Variants in SORCS1 observed in about 807,000 individuals in gnomAD.
SORCS1 encodes VPS10 domain-containing receptor SorCS1.
A neutral mutation model predicts 146.1 loss-of-function variants in SORCS1; 60 were observed. The observed-to-expected ratio is 0.41, with a 90% confidence interval of 0.33 to 0.51. The LOEUF is 0.51. Among genes scored for constraint, SORCS1 ranks in the 20% least tolerant of loss-of-function variants. The probability of loss-of-function intolerance (pLI) is 0.21; values close to 1 mark genes in which losing one functional copy is unlikely to be tolerated. For missense variants in SORCS1, 1,352 were observed against 1,487.6 expected, an observed-to-expected ratio of 0.91 and a Z score of 1.50; for synonymous variants, 637 against 584.0, an observed-to-expected ratio of 1.09 and a Z score of -1.31.
intron 5 of SORCS1, among the ~76,000 whole-genome samples, chr10:106,760,619 T>G (rs151069276): frequency 6.6e-6 from 1 of 151,820 alleles, no homozygotes; most frequent in Non-Finnish European, 1.5e-5. Flanking sequence ...GAAGAATAAA[T>G]ATCCGTTGTT....
chr10:106,774,016 CAT>C (rs1296855600), intron 4 of SORCS1, among the ~76,000 whole-genome samples: 1 of 152,076 alleles, frequency 6.6e-6, no homozygotes, highest in African/African-American at 2.4e-5. Context: ...AGAATATCCA[CAT>C]GTGATACCAA....
At chr10:106,664,603 C>A (rs1353637583) in intron 17 of SORCS1, among the ~76,000 whole-genome samples, 2 of 152,084 alleles carry the variant, frequency 1.3e-5, no homozygotes, top group Admixed American at 6.5e-5. Flanking sequence ...GATCGTGCCA[C>A]TGCACTCCAG....
chr10:107,144,421 T>C (rs66584613), intron 1 of SORCS1, among the ~76,000 whole-genome samples: 6,152 of 152,346 alleles, frequency 0.04, 311 homozygotes, highest in African/African-American at 0.12. Context: ...CATGCATCCA[T>C]ATTTTTAACT....
intron 3 of SORCS1, among the ~76,000 whole-genome samples, chr10:106,800,295 T>C (rs1342672677): frequency 1.3e-5 from 2 of 152,106 alleles, no homozygotes; most frequent in Non-Finnish European, 2.9e-5. Flanking sequence ...ATGAATCATT[T>C]TGAAAAATAA....
At chr10:107,141,487 G>A (rs1036118285) in intron 1 of SORCS1, among the ~76,000 whole-genome samples, 2 of 152,128 alleles carry the variant, frequency 1.3e-5, no homozygotes, top group Non-Finnish European at 2.9e-5. Context: ...TAGTAGTTAT[G>A]TAACACAGAC....
At chr10:107,062,957 C>T (rs1961372437) in intron 1 of SORCS1, among the ~76,000 whole-genome samples, 1 of 152,206 alleles carries the variant, frequency 6.6e-6, no homozygotes, top group Admixed American at 6.5e-5. Flanking sequence ...AATAAATATG[C>T]TTCTATAAAG....
At chr10:106,819,445 T>A (rs942855566) in intron 3 of SORCS1, among the ~76,000 whole-genome samples, 9 of 152,270 alleles carry the variant, frequency 5.9e-5, no homozygotes, top group African/African-American at 2.2e-4. Flanking sequence ...CACCTTCAAA[T>A]AACAAAGTGT....
intron 5 of SORCS1, among the ~76,000 whole-genome samples, chr10:106,736,602 T>TCAAAAAAAAAAAAAAAAAA (rs1433395056): frequency 2.6e-5 from 1 of 38,758 alleles, no homozygotes; most frequent in Admixed American, 3.3e-4. Context: ...TAACCCTGGT[T>TCAAAAAAAAAAAAAAAAAA]AAAAAAAAAA....
At chr10:106,735,919 A>C (rs1230763154) in intron 5 of SORCS1, among the ~76,000 whole-genome samples, 1 of 152,160 alleles carries the variant, frequency 6.6e-6, no homozygotes, top group Non-Finnish European at 1.5e-5. Flanking sequence ...AGCTTTGTTG[A>C]TGAAAACAAG....
chr10:106,673,698 CA>C, intron 14 of SORCS1, among the ~76,000 whole-genome samples: 1 of 152,088 alleles, frequency 6.6e-6, no homozygotes, highest in Non-Finnish European at 1.5e-5. Context: ...CCATGGTTTC[CA>C]TGCTATTTTA....
Position 106,679,340 on chromosome 10 carries a change from G to A in SORCS1, c.1664-8C>T. 1 of 1,607,144 alleles carries A rather than the reference G, an allele frequency of 6.2e-7. No individual in the cohort carries two copies. ...ATTCAGAACCTATATTACCTAGAAA[G>A]AGAAAGGTGCCATTAGTGAAAAGAA... On this transcript the variant is annotated splice_polypyrimidine_tract_variant and splice_region_variant and intron_variant, in intron 11 of 25. Transcript: ENST00000263054.
At chr10:106,788,634 T>C (rs112205201) in intron 3 of SORCS1, among the ~76,000 whole-genome samples, 1,659 of 152,302 alleles carry the variant, frequency 0.011, 27 homozygotes, top group African/African-American at 0.037. Context: ...TGTCTCACAT[T>C]GAGGTCATGC....
chr10:106,682,749 A>G (rs1852535650), intron 10 of SORCS1, among the ~76,000 whole-genome samples: 4 of 152,160 alleles, frequency 2.6e-5, no homozygotes, highest in Non-Finnish European at 5.9e-5. Flanking sequence ...GAGTACCTAC[A>G]TATGCTAATA....
chr10:106,617,125 T>A (rs1351715360), intron 21 of SORCS1, among the ~76,000 whole-genome samples: 1 of 151,984 alleles, frequency 6.6e-6, no homozygotes, highest in African/African-American at 2.4e-5. Context: ...TGGCTAAATT[T>A]TATATTTTTA....
intron 23 of SORCS1, among the ~76,000 whole-genome samples, chr10:106,602,932 C>T (rs1000422017): frequency 3.3e-5 from 5 of 152,120 alleles, no homozygotes; most frequent in Admixed American, 6.5e-5. Context: ...TCTGCCTTTC[C>T]TTTCTTCCTT....
chr10:107,075,199 G>T (rs775279553), intron 1 of SORCS1, among the ~76,000 whole-genome samples: 3 of 152,142 alleles, frequency 2.0e-5, no homozygotes, highest in Non-Finnish European at 2.9e-5. Flanking sequence ...AGAACTTGAG[G>T]TAATGAGAGC....
At chr10:107,003,606 TA>T (rs1268390454) in intron 1 of SORCS1, among the ~76,000 whole-genome samples, 1 of 152,060 alleles carries the variant, frequency 6.6e-6, no homozygotes, top group Non-Finnish European at 1.5e-5. Flanking sequence ...AATCTAGCCA[TA>T]AAAATGCACC....
At chr10:106,699,416 G>A in intron 8 of SORCS1, 23 bp from the exon 9 acceptor site, 1 of 1,585,226 alleles carries the variant, frequency 6.3e-7, no homozygotes, top group Non-Finnish European at 8.6e-7. Flanking sequence ...ACAAGGTCGT[G>A]AAGAGGGAAA....
chr10:106,790,060 G>A (rs945113665), intron 3 of SORCS1, among the ~76,000 whole-genome samples: 1 of 152,180 alleles, frequency 6.6e-6, no homozygotes, highest in African/African-American at 2.4e-5. Flanking sequence ...CATGATCCAG[G>A]TCTCTCCCTC....
Sources: gnomAD v4.1 joint callset for allele counts (sites outside exome capture counted in the v4.1 genomes callset) on GRCh38, gnomAD v4.1.1 for gene constraint, MANE v1.5 for transcripts, NCBI Gene and HGNC (gene_info 2026-07-23, HGNC 2026-07-21) for gene names.